The following HNRNPA3 variants were observed in gnomAD, a reference collection of about 807,000 sequenced individuals.
The protein encoded by HNRNPA3 is heterogeneous nuclear ribonucleoprotein A3.
In HNRNPA3, 3 loss-of-function variants were observed where a neutral mutation model predicts 45.8. That is an observed-to-expected ratio of 0.07 (90% CI 0.03 to 0.17). HNRNPA3 has a LOEUF of 0.17. HNRNPA3 is among the 10% of genes least tolerant of loss of function. The probability of loss-of-function intolerance (pLI) is 1.00; values close to 1 mark genes in which losing one functional copy is unlikely to be tolerated. For synonymous variants in HNRNPA3, 170 were observed against 155.6 expected (o/e 1.09, Z -0.69); for missense variants, 183 against 480.3 (o/e 0.38, Z 5.79).
At chr2:177,221,507 A>G (rs1429575878), downstream of HNRNPA3, 1 of 152,666 alleles carries the variant, frequency 6.6e-6, no homozygotes, top group Non-Finnish European at 1.5e-5. Flanking sequence ...TAGTGAAAAC[A>G]TTTACAGTAA....
rs1303393888 is a variant in HNRNPA3, at chr2:177,215,902, T to C, written c.342+6T>C. ...AGAGAGCTGTTTCTAGAGAGGTATT[T>C]TAATAATACATTGTGTAATATGTGA... On this transcript the variant is annotated splice_donor_region_variant and intron_variant, in intron 3 of 10. Coordinates refer to ENST00000392524, the Ensembl canonical transcript of HNRNPA3. 1 of 1,596,552 alleles carries C rather than the reference T, an allele frequency of 6.3e-7. No individual in the cohort carries two copies.
In HNRNPA3 at chr2:177,217,697, T is replaced by C; in HGVS notation, c.821-8T>C. 1 of 1,612,068 alleles carries C rather than the reference T, an allele frequency of 6.2e-7. No individual in the cohort carries two copies. The highest frequency in any genetic ancestry group is 1.3e-5 in the African/African-American group (1 of 74,986). ...TTTGTGTGGTCTTGTTATTTGTTGT[T>C]TTTTTAGGTGGCAACTATGGCGGTG... On this transcript the variant is annotated splice_region_variant and splice_polypyrimidine_tract_variant and intron_variant, in intron 7 of 10. Transcript: ENST00000392524.
intron 8 of HNRNPA3, 103 bp from the exon 9 acceptor site, chr2:177,218,934 T>C: frequency 7.1e-7 from 1 of 1,409,630 alleles, no homozygotes; most frequent in Non-Finnish European, 9.8e-7. Flanking sequence ...GTGATGTGTA[T>C]AAGCATGCTA....
At chr2:177,213,068 A>C (rs1337151467) in intron 1 of HNRNPA3, among the ~76,000 whole-genome samples, 197 bp downstream of exon 1, 1 of 152,028 alleles carries the variant, frequency 6.6e-6, no homozygotes, top group Admixed American at 6.5e-5. Flanking sequence ...CTTCGGCTGC[A>C]CAGGCGGCCC....
downstream of HNRNPA3, chr2:177,221,991 T>C (rs1415948480): frequency 6.5e-6 from 1 of 152,674 alleles, no homozygotes; most frequent in Non-Finnish European, 1.5e-5. Flanking sequence ...GGCTTGAATT[T>C]GAATTTTTTC....
At chr2:177,217,666 T>G in intron 7 of HNRNPA3, 39 bp from the exon 8 acceptor site, 2 of 1,611,154 alleles carry the variant, frequency 1.2e-6, no homozygotes, top group Non-Finnish European at 1.7e-6. Context: ...ACTATACACT[T>G]AAGTTTTTGT....
downstream of HNRNPA3, chr2:177,222,873 C>G (rs1689242910): frequency 6.6e-6 from 1 of 152,504 alleles, no homozygotes; most frequent in Admixed American, 6.5e-5. Context: ...TTCATTGGAC[C>G]AATAGGTTAC....
intron 7 of HNRNPA3, 98 bp downstream of exon 7, chr2:177,217,038 G>A (rs1688972609): frequency 1.6e-6 from 2 of 1,250,514 alleles, no homozygotes; most frequent in African/African-American, 3.1e-5. Context: ...AAACTTCAGT[G>A]GCTAAATGGT....
chr2:177,221,193 T>C (rs1296559590), downstream of HNRNPA3: 1 of 152,586 alleles, frequency 6.6e-6, no homozygotes, highest in African/African-American at 2.4e-5. Context: ...GTGTAGAAAA[T>C]AGGCTAATAT....
At chr2:177,222,105 C>T (rs571754582), downstream of HNRNPA3, 3 of 152,730 alleles carry the variant, frequency 2.0e-5, no homozygotes, top group Admixed American at 6.5e-5. Flanking sequence ...GTCTTTCCTA[C>T]CATCTAAAAT....
chr2:177,214,417 T>C (rs1257244551), intron 1 of HNRNPA3, among the ~76,000 whole-genome samples: 3 of 152,220 alleles, frequency 2.0e-5, no homozygotes, highest in Non-Finnish European at 4.4e-5. Flanking sequence ...GGAATGCCTG[T>C]TTTAAATTAA....
chr2:177,216,794 A>G lies in HNRNPA3; in HGVS notation c.739+23A>G, dbSNP rs371452490. Reference sequence around the variant, plus strand: ...GAGGTAGGCTGTTTATCTTCTAAGTACATGGATACCTGACATTTTGGTAAG... The same window carrying G: ...GAGGTAGGCTGTTTATCTTCTAAGTGCATGGATACCTGACATTTTGGTAAG... On this transcript the variant is annotated intron_variant, in intron 6 of 10. Transcript: ENST00000392524. 160 of 1,613,848 alleles carry G rather than the reference A, an allele frequency of 9.9e-5. No individual in the cohort carries two copies. In the African/African-American group the frequency reaches 2.0e-3, roughly 20 times the overall value.
At position 177,216,489 on chromosome 2, in the gene HNRNPA3, G is replaced by GA; in HGVS notation, c.554-6dup. 9 of 1,598,848 alleles carry GA rather than the reference G, an allele frequency of 5.6e-6. No individual in the cohort carries two copies. The highest frequency in any genetic ancestry group is 1.3e-5 in the African/African-American group (1 of 74,538). On this transcript the variant is annotated splice_polypyrimidine_tract_variant and intron_variant, in intron 4 of 10. Transcript: ENST00000392524. ...AAATAACTTTTTGTTTTGTTTGATTGAAAAAAAATTTAGTTCAGAAATACC... is the reference window on the plus strand; with the variant it reads ...AAATAACTTTTTGTTTTGTTTGATTGAAAAAAAAATTTAGTTCAGAAATACC...
At chr2:177,222,209 C>T (rs772687570), downstream of HNRNPA3, 10 of 152,716 alleles carry the variant, frequency 6.5e-5, no homozygotes, top group African/African-American at 2.2e-4. Context: ...TATTTCACAA[C>T]TTTGTCCCTC....
At chr2:177,213,388 A>G (rs558206211) in intron 1 of HNRNPA3, among the ~76,000 whole-genome samples, 3 of 152,362 alleles carry the variant, frequency 2.0e-5, no homozygotes, top group East Asian at 3.9e-4. Context: ...CCCGGCAGAA[A>G]AAGCCGCAAA....
At chr2:177,214,040 G>C (rs991755253) in intron 1 of HNRNPA3, among the ~76,000 whole-genome samples, 9 of 152,176 alleles carry the variant, frequency 5.9e-5, no homozygotes, top group Non-Finnish European at 1.2e-4. Context: ...ACCTCTAGGA[G>C]ACACAGGAAG....
At chr2:177,215,463 C>T (rs114499314) in intron 1 of HNRNPA3, 76 bp from the exon 2 acceptor site, 23 of 1,397,016 alleles carry the variant, frequency 1.6e-5, no homozygotes, top group South Asian at 4.8e-5. Flanking sequence ...TATTACTTAC[C>T]GTACATTAAA....
At chr2:177,218,409 G>C (rs1689051662) in intron 8 of HNRNPA3, among the ~76,000 whole-genome samples, 1 of 152,142 alleles carries the variant, frequency 6.6e-6, no homozygotes, top group Non-Finnish European at 1.5e-5. Flanking sequence ...ACATTTACCA[G>C]TATTCAGTAC....
chr2:177,216,436 A>T, intron 4 of HNRNPA3, 67 bp from the exon 5 acceptor site: 1 of 1,107,216 alleles, frequency 9.0e-7, no homozygotes, highest in South Asian at 1.3e-5. Flanking sequence ...GACAGAGGGT[A>T]TCTCATATAT....
Sources: allele counts gnomAD v4.1 joint callset (sites outside exome capture counted in the v4.1 genomes callset), GRCh38; gene constraint gnomAD v4.1.1; transcripts MANE v1.5; gene names NCBI Gene and HGNC (gene_info 2026-07-23, HGNC 2026-07-21).